The following SUSD4 variants were observed in gnomAD, a reference collection of about 807,000 sequenced individuals.
The protein encoded by SUSD4 is sushi domain containing 4.
SUSD4 carries 41 observed loss-of-function variants against 50.5 expected under a neutral mutation model. The observed-to-expected ratio is 0.81, with a 90% CI of 0.63 to 1.05. The LOEUF is 1.05. Ranked by LOEUF, SUSD4 falls within the 50% of genes least tolerant of loss-of-function variation. The pLI is 0.00. For synonymous variants in SUSD4, 257 were observed against 257.3 expected (o/e 1.00, Z 0.01); for missense variants, 580 against 634.7 (o/e 0.91, Z 0.93).
chr1:223,289,013 G>T, intron 3 of SUSD4: 1 of 762,182 alleles, frequency 1.3e-6, no homozygotes, highest in Non-Finnish European at 1.6e-6. Context: ...TGTAGGAAAG[G>T]GATATATTTA....
At chr1:223,307,945 G>A (rs1665644874) in intron 2 of SUSD4, among the ~76,000 whole-genome samples, 1 of 152,092 alleles carries the variant, frequency 6.6e-6, no homozygotes, top group Non-Finnish European at 1.5e-5. Flanking sequence ...TTCCCCCCAT[G>A]CTGTCCTTGG....
intron 5 of SUSD4, chr1:223,230,515 CACTGGCCACTGAAACT>C (rs1311978320): frequency 6.6e-6 from 1 of 152,254 alleles, no homozygotes; most frequent in African/African-American, 2.4e-5. Context: ...GCCCTCTCCA[CACTGGCCACTGAAACT>C]ACTCACTGGC....
In SUSD4 at chr1:223,220,870, C is replaced by T. The variant is rs1347479106; in HGVS notation, c.*1322G>A. The T allele has an allele frequency of 5.0e-6, 2 of 397,502 alleles. No homozygotes were observed. Among genetic ancestry groups the T allele is most frequent in the Non-Finnish European group, 4.4e-6 (1 of 225,068 alleles). 24.6% of individuals were successfully genotyped at this position (397,502 alleles called of 1,614,324 possible). On this transcript the variant is annotated 3_prime_UTR_variant, in exon 9 of 9. Coordinates refer to ENST00000366878, the MANE Select transcript of SUSD4 (RefSeq NM_017982.4). ...TTAATCAGTCTGTGTCAAGAAGAAACAGGACTTGATCAAGCTTCCAGCCCT... is the reference window on the plus strand; with the variant it reads ...TTAATCAGTCTGTGTCAAGAAGAAATAGGACTTGATCAAGCTTCCAGCCCT...
intron 4 of SUSD4, among the ~76,000 whole-genome samples, chr1:223,268,273 T>C (rs1662660215): frequency 6.6e-6 from 1 of 151,990 alleles, no homozygotes; most frequent in Non-Finnish European, 1.5e-5. Context: ...TGTTTATCCT[T>C]TAAAACTGGG....
At chr1:223,361,398 G>T (rs1668969397) in intron 2 of SUSD4, among the ~76,000 whole-genome samples, 1 of 152,080 alleles carries the variant, frequency 6.6e-6, no homozygotes, top group South Asian at 2.1e-4. Context: ...TGCCTAAAAA[G>T]AAAGAGCTCT....
intron 5 of SUSD4, among the ~76,000 whole-genome samples, chr1:223,255,916 A>G (rs1207016764): frequency 1.3e-5 from 2 of 152,162 alleles, no homozygotes; most frequent in Admixed American, 6.5e-5. Context: ...GAACTGTGGG[A>G]GGCTGAGTGG....
chr1:223,331,012 C>T (rs111922740), intron 2 of SUSD4, among the ~76,000 whole-genome samples: 2,312 of 152,282 alleles, frequency 0.015, 34 homozygotes, highest in Non-Finnish European at 0.024. Flanking sequence ...GCACCCTCCC[C>T]GCCCCCTCCC....
chr1:223,339,154 C>A (rs1667617913), intron 2 of SUSD4, among the ~76,000 whole-genome samples: 1 of 152,124 alleles, frequency 6.6e-6, no homozygotes, highest in African/African-American at 2.4e-5. Flanking sequence ...TAGCCAAGTG[C>A]TACAAAGAGG....
intron 5 of SUSD4, among the ~76,000 whole-genome samples, chr1:223,238,148 A>T (rs1010456531): frequency 1.3e-5 from 2 of 152,038 alleles, no homozygotes; most frequent in Non-Finnish European, 2.9e-5. Flanking sequence ...TGTTCAGAGC[A>T]TTCCTTTATT....
At chr1:223,361,548 C>T (rs572850595) in intron 2 of SUSD4, among the ~76,000 whole-genome samples, 5 of 152,112 alleles carry the variant, frequency 3.3e-5, no homozygotes, top group Non-Finnish European at 7.4e-5. Context: ...GTCATAAGAC[C>T]GAGGTGGCCA....
intron 7 of SUSD4, among the ~76,000 whole-genome samples, chr1:223,224,864 T>A (rs1659401926): frequency 2.9e-4 from 1 of 3,426 alleles, no homozygotes; most frequent in Non-Finnish European, 2.2e-3. Context: ...GTTTCTTCCT[T>A]TTTTTTTTTT....
chr1:223,253,914 G>A (rs1466232188), intron 5 of SUSD4, among the ~76,000 whole-genome samples: 1 of 152,206 alleles, frequency 6.6e-6, no homozygotes, highest in African/African-American at 2.4e-5. Context: ...GCTTAGCTCT[G>A]CACTTCCTTC....
At chr1:223,342,103 C>A (rs1667793876) in intron 2 of SUSD4, among the ~76,000 whole-genome samples, 2 of 152,066 alleles carry the variant, frequency 1.3e-5, no homozygotes, top group Admixed American at 6.5e-5. Flanking sequence ...CCTGGTGGAC[C>A]ACAGCCACAG....
At chr1:223,247,217 CCA>C (rs1200537220) in intron 5 of SUSD4, among the ~76,000 whole-genome samples, 2 of 152,196 alleles carry the variant, frequency 1.3e-5, no homozygotes, top group African/African-American at 4.8e-5. Context: ...CCACGAGCAC[CCA>C]GCTGGTCCAC....
intron 2 of SUSD4, among the ~76,000 whole-genome samples, chr1:223,298,370 C>T (rs1266720133): frequency 2.0e-5 from 3 of 152,138 alleles, no homozygotes; most frequent in Non-Finnish European, 4.4e-5. Context: ...ACCCTTTCAC[C>T]TTTCTCTCCT....
chr1:223,295,588 G>T (rs188764900), intron 2 of SUSD4, among the ~76,000 whole-genome samples: 18 of 152,226 alleles, frequency 1.2e-4, no homozygotes, highest in Admixed American at 1.1e-3. Context: ...CAGGTCGGAA[G>T]GTATGGAGGT....
intron 2 of SUSD4, among the ~76,000 whole-genome samples, chr1:223,322,304 A>C (rs1558249238): frequency 6.6e-6 from 1 of 152,230 alleles, no homozygotes; most frequent in Non-Finnish European, 1.5e-5. Flanking sequence ...TAAAATTAAA[A>C]GGTAAATTGT....
intron 2 of SUSD4, among the ~76,000 whole-genome samples, chr1:223,331,375 CT>C (rs547728072): frequency 1.0e-3 from 156 of 152,268 alleles, no homozygotes; most frequent in African/African-American, 3.5e-3. Flanking sequence ...CAAGCCTTTC[CT>C]TTTTTCTTTA....
intron 5 of SUSD4, among the ~76,000 whole-genome samples, chr1:223,254,073 C>A (rs1661518461): frequency 6.6e-6 from 1 of 152,166 alleles, no homozygotes; most frequent in Non-Finnish European, 1.5e-5. Flanking sequence ...TGTTCTCCAC[C>A]CCCTGCTCCA....
Sources: gnomAD v4.1 joint callset for allele counts (sites outside exome capture counted in the v4.1 genomes callset) on GRCh38, gnomAD v4.1.1 for gene constraint, MANE v1.5 for transcripts, NCBI Gene and HGNC (gene_info 2026-07-23, HGNC 2026-07-21) for gene names.